Variants in MAPKAP1 observed in about 807,000 individuals in gnomAD.
The protein encoded by MAPKAP1 is MAPK associated protein 1.
MAPKAP1 carries 20 observed loss-of-function variants against 65.7 expected under a neutral mutation model. The ratio of observed to expected loss-of-function variants is 0.30; its 90% CI spans 0.21 to 0.44. The LOEUF (loss-of-function observed/expected upper bound fraction) is 0.44, where lower values mean the gene tolerates loss of function less well. MAPKAP1 is among the 20% of genes least tolerant of loss of function. The pLI, the probability that MAPKAP1 is intolerant of heterozygous loss-of-function variation, is 1.00. For missense variants in MAPKAP1, 423 were observed against 648.0 expected (o/e 0.65, Z 3.77); for synonymous variants, 222 against 244.3 (o/e 0.91, Z 0.85).
intron 9 of MAPKAP1, among the ~76,000 whole-genome samples, chr9:125,475,651 TGGGA>T (rs1854077566): frequency 6.6e-6 from 1 of 152,204 alleles, no homozygotes; most frequent in African/African-American, 2.4e-5. Context: ...AAATCAGACC[TGGGA>T]CTGTTTAATC....
At chr9:125,631,096 CAA>C (rs368052139) in intron 4 of MAPKAP1, among the ~76,000 whole-genome samples, 33 of 115,302 alleles carry the variant, frequency 2.9e-4, no homozygotes, top group East Asian at 4.9e-4. Flanking sequence ...GATCCTGTCT[CAA>C]AAAAAAAAAA....
chr9:125,468,716 G>A (rs1853778890), intron 9 of MAPKAP1, among the ~76,000 whole-genome samples: 1 of 152,230 alleles, frequency 6.6e-6, no homozygotes, highest in South Asian at 2.1e-4. Context: ...AACCTTCCAA[G>A]TTCAAGTCTT....
chr9:125,602,889 T>C (rs549799148), intron 4 of MAPKAP1, among the ~76,000 whole-genome samples: 1 of 152,212 alleles, frequency 6.6e-6, no homozygotes, highest in African/African-American at 2.4e-5. Flanking sequence ...AACCCTCTGA[T>C]TCCGTTTTCT....
chr9:125,467,162 A>T (rs924090308), intron 10 of MAPKAP1, among the ~76,000 whole-genome samples: 3 of 152,226 alleles, frequency 2.0e-5, no homozygotes, highest in African/African-American at 7.2e-5. Context: ...TGTCTGTACC[A>T]GACTTTGAGA....
chr9:125,596,420 C>T, intron 4 of MAPKAP1: 1 of 805,004 alleles, frequency 1.2e-6, no homozygotes, highest in South Asian at 1.3e-5. Context: ...CTGATGGAAG[C>T]AATTTTGGAG....
intron 7 of MAPKAP1, among the ~76,000 whole-genome samples, chr9:125,541,353 A>C (rs1830242818): frequency 6.6e-6 from 1 of 152,212 alleles, no homozygotes; most frequent in Admixed American, 6.5e-5. Flanking sequence ...TCATGGTCTG[A>C]AAAATCTGTG....
At chr9:125,469,147 A>C (rs1853800776) in intron 9 of MAPKAP1, among the ~76,000 whole-genome samples, 1 of 152,210 alleles carries the variant, frequency 6.6e-6, no homozygotes, top group African/African-American at 2.4e-5. Flanking sequence ...TTTTTAGGCC[A>C]TAGTTTAAAG....
chr9:125,583,395 T>C (rs1831683030), intron 5 of MAPKAP1, among the ~76,000 whole-genome samples: 1 of 152,242 alleles, frequency 6.6e-6, no homozygotes, highest in South Asian at 2.1e-4. Context: ...ATATTGTTAT[T>C]ACCTATTTAC....
intron 6 of MAPKAP1, among the ~76,000 whole-genome samples, chr9:125,545,077 T>C (rs1389231593): frequency 6.6e-6 from 1 of 152,232 alleles, no homozygotes; most frequent in Non-Finnish European, 1.5e-5. Context: ...TTCTTGCTAT[T>C]GAACAGCAGG....
At chr9:125,566,561 TGAAAAA>T (rs72228008) in intron 5 of MAPKAP1, among the ~76,000 whole-genome samples, 123,818 of 147,610 alleles carry the variant, frequency 0.84, 53,866 homozygotes, top group Non-Finnish European at 0.96. Context: ...GACACTGTCT[TGAAAAA>T]GAAAAAGAAA....
At chr9:125,591,833 AG>A (rs1831975553) in intron 4 of MAPKAP1, among the ~76,000 whole-genome samples, 1 of 152,238 alleles carries the variant, frequency 6.6e-6, no homozygotes, top group Non-Finnish European at 1.5e-5. Context: ...AAGGATTAAA[AG>A]TATTCATTAC....
chr9:125,662,300 T>C (rs1446772802), intron 3 of MAPKAP1, among the ~76,000 whole-genome samples: 1 of 152,176 alleles, frequency 6.6e-6, no homozygotes, highest in Non-Finnish European at 1.5e-5. Context: ...AAGAATCACT[T>C]GAGCCCAGGA....
At chr9:125,602,769 G>A (rs1832336269) in intron 4 of MAPKAP1, among the ~76,000 whole-genome samples, 1 of 152,126 alleles carries the variant, frequency 6.6e-6, no homozygotes, top group Admixed American at 6.5e-5. Flanking sequence ...TGTGAGGATC[G>A]CTCATTCCCT....
At chr9:125,669,720 T>A (rs1834442932) in intron 3 of MAPKAP1, 98 bp downstream of exon 3, 11 of 586,638 alleles carry the variant, frequency 1.9e-5, no homozygotes, top group Non-Finnish European at 2.9e-5. Context: ...GGTATCTAAG[T>A]CCAGAGGATT....
chr9:125,531,233 C>T (rs564317463), intron 7 of MAPKAP1, among the ~76,000 whole-genome samples: 1 of 152,348 alleles, frequency 6.6e-6, no homozygotes, highest in South Asian at 2.1e-4. Context: ...GGAAGCACCA[C>T]AGTGTCTAGC....
At chr9:125,676,561 T>C (rs1200899538) in intron 1 of MAPKAP1, among the ~76,000 whole-genome samples, 1 of 152,042 alleles carries the variant, frequency 6.6e-6, no homozygotes, top group Non-Finnish European at 1.5e-5. Flanking sequence ...ATGAGGTACC[T>C]AAAGCAGTCA....
intron 10 of MAPKAP1, among the ~76,000 whole-genome samples, chr9:125,453,014 A>C (rs547720717): frequency 2.4e-4 from 36 of 152,268 alleles, no homozygotes; most frequent in Admixed American, 4.6e-4. Flanking sequence ...AAATGGAAAA[A>C]CCCTTATATC....
chr9:125,584,574 C>T (rs1028585041), intron 5 of MAPKAP1, among the ~76,000 whole-genome samples: 12 of 152,076 alleles, frequency 7.9e-5, no homozygotes, highest in African/African-American at 2.9e-4. Flanking sequence ...TTACGGATGG[C>T]CACCACCATG....
intron 4 of MAPKAP1, among the ~76,000 whole-genome samples, chr9:125,655,827 G>A (rs1157294259): frequency 6.6e-6 from 1 of 152,260 alleles, no homozygotes; most frequent in Non-Finnish European, 1.5e-5. Context: ...CATCCTTCGT[G>A]GATTACAAAT....
Sources: gnomAD v4.1 joint callset for allele counts (sites outside exome capture counted in the v4.1 genomes callset) on GRCh38, gnomAD v4.1.1 for gene constraint, MANE v1.5 for transcripts, NCBI Gene and HGNC (gene_info 2026-07-23, HGNC 2026-07-21) for gene names.